Variants in KAT6A observed in about 807,000 individuals in gnomAD.
KAT6A encodes histone acetyltransferase KAT6A.
Under a neutral mutation model 198.4 loss-of-function variants are expected in KAT6A, and 9 were observed. The ratio of observed to expected loss-of-function variants is 0.05; its 90% confidence interval spans 0.03 to 0.08. KAT6A has a LOEUF of 0.08. Among genes scored for constraint, KAT6A ranks in the 10% least tolerant of loss-of-function variants. The probability of loss-of-function intolerance (pLI) is 1.00; values close to 1 mark genes in which losing one functional copy is unlikely to be tolerated. For missense variants in KAT6A, 2,077 were observed against 2,509.9 expected, an observed-to-expected ratio of 0.83 and a Z score of 3.69; for synonymous variants, 890 against 883.0, an observed-to-expected ratio of 1.01 and a Z score of -0.14.
intron 9 of KAT6A, 69 bp from the exon 10 acceptor site, chr8:41,949,432 T>C: frequency 8.1e-7 from 1 of 1,230,284 alleles, no homozygotes; most frequent in East Asian, 2.8e-5. Context: ...TCCACAATTA[T>C]CATCTTTTTG....
At chr8:41,969,775 T>C (rs891946783) in intron 8 of KAT6A, among the ~76,000 whole-genome samples, 1 of 152,144 alleles carries the variant, frequency 6.6e-6, no homozygotes, top group Non-Finnish European at 1.5e-5. Context: ...AGCTTCACCT[T>C]ATGCAACTCT....
intron 16 of KAT6A, among the ~76,000 whole-genome samples, chr8:41,936,033 G>A (rs376110346): frequency 6.6e-6 from 1 of 152,062 alleles, no homozygotes; most frequent in African/African-American, 2.4e-5. Flanking sequence ...AGTCCAAGGC[G>A]GGTGGATCAC....
intron 8 of KAT6A, chr8:41,974,360 T>C (rs1286846245): frequency 6.2e-6 from 1 of 161,168 alleles, no homozygotes; most frequent in East Asian, 1.7e-4. Context: ...AGGCATGAAA[T>C]ACTTCTTGAA....
At chr8:41,946,730 G>C (rs1402013706) in intron 11 of KAT6A, 46 bp from the exon 12 acceptor site, 1 of 1,103,870 alleles carries the variant, frequency 9.1e-7, no homozygotes, top group Admixed American at 1.7e-5. Context: ...GCTGGTAAAA[G>C]TGAATAATAA....
At position 41,940,849 on chromosome 8, in the gene KAT6A, T is replaced by C. The variant is rs1822080060; in HGVS notation, c.3032A>G (p.Lys1011Arg). Residue 1011 changes from lysine to arginine, a missense_variant, in exon 15 of 17, where the codon AAG (lysine) becomes AGG (arginine). Coordinates refer to ENST00000265713, the MANE Select transcript of KAT6A (RefSeq NM_006766.5). Reference protein sequence around the residue: ...SPPILTKPTLKRKKPFLHRRR... With the variant: ...SPPILTKPTLRRKKPFLHRRR... ...TGGAAAGAAATGCGTTACCTTTCGC[T>C]TCAGCGTGGGCTTTGTGAGAATTGG... The C allele has an allele frequency of 6.2e-7, 1 of 1,608,066 alleles. No homozygotes were observed. The highest frequency in any genetic ancestry group is 2.2e-5 in the East Asian group (1 of 44,808).
chr8:42,004,251 T>G (rs938830994), intron 2 of KAT6A, among the ~76,000 whole-genome samples: 2 of 152,078 alleles, frequency 1.3e-5, no homozygotes, highest in African/African-American at 2.4e-5. Flanking sequence ...ACAAACATAA[T>G]GAAAATATTA....
rs771288153 is a variant in KAT6A, at chr8:41,941,392, T to A, written c.2489A>T (p.Glu830Val). 11 of 1,609,662 alleles carry A rather than the reference T, an allele frequency of 6.8e-6. No homozygotes were observed. Among genetic ancestry groups the A allele is most frequent in the Non-Finnish European group, 9.3e-6 (11 of 1,179,822 alleles). The part of the protein sequence containing the change: ...ENKEQDSYSV[E>V]SEKKPEVMAP... ...CATAACTTCTGGTTTCTTTTCACTTTCTACTGAATAAGAATCTTGTTCTTT... is the reference window on the plus strand; with the variant it reads ...CATAACTTCTGGTTTCTTTTCACTTACTACTGAATAAGAATCTTGTTCTTT... Residue 830 changes from glutamate to valine, a missense_variant, in exon 15 of 17, where the codon GAA becomes GTA. Transcript: ENST00000265713.
At chr8:42,045,544 A>G (rs1802189395) in intron 2 of KAT6A, among the ~76,000 whole-genome samples, 1 of 150,722 alleles carries the variant, frequency 6.6e-6, no homozygotes, top group Admixed American at 6.6e-5. Context: ...CCTGGGCAAC[A>G]AGAGCGAAAT....
intron 2 of KAT6A, among the ~76,000 whole-genome samples, chr8:42,031,038 A>AG (rs1554698400): frequency 0.12 from 13,623 of 112,796 alleles, 1,326 homozygotes; most frequent in East Asian, 0.24. Flanking sequence ...AAAAAAAAAA[A>AG]GGGGGGGGGG....
At chr8:41,943,670 T>G (rs1483055982) in intron 13 of KAT6A, 78 bp downstream of exon 13, 1 of 888,460 alleles carries the variant, frequency 1.1e-6, no homozygotes, top group Non-Finnish European at 1.8e-6. Context: ...TGCCCTTTCA[T>G]CAATAATCTG....
At position 41,962,433 on chromosome 8, in the gene KAT6A, G is replaced by T. The variant is rs1823247267; in HGVS notation, c.1483-7022C>A. Among the ~76,000 whole-genome samples, 3 of 151,906 alleles carry T rather than the reference G, an allele frequency of 2.0e-5. 1 individual carries two copies. The South Asian group carries it at 6.2e-4, about 32-fold the overall frequency. On this transcript the variant is annotated intron_variant, in intron 8 of 16. Transcript: ENST00000265713. Reference sequence around the variant, plus strand: ...AACTCCGTCTTCCAACTGTGTTCTGGCATCGTCTCGGACTCCCTGCTTTCA... The same window carrying T: ...AACTCCGTCTTCCAACTGTGTTCTGTCATCGTCTCGGACTCCCTGCTTTCA...
At chr8:42,016,702 C>T (rs949333119) in intron 2 of KAT6A, among the ~76,000 whole-genome samples, 18 of 152,170 alleles carry the variant, frequency 1.2e-4, no homozygotes, top group African/African-American at 4.3e-4. Flanking sequence ...GATGGCTTTA[C>T]TATAAAGAGA....
At chr8:41,951,744 C>T (rs949480555) in intron 9 of KAT6A, among the ~76,000 whole-genome samples, 1 of 152,234 alleles carries the variant, frequency 6.6e-6, no homozygotes, top group East Asian at 1.9e-4. Context: ...GGAATTTCTA[C>T]AGTACCTTCT....
intron 14 of KAT6A, chr8:41,942,295 A>C: frequency 4.3e-6 from 1 of 230,528 alleles, no homozygotes. Flanking sequence ...AGGAAAATGT[A>C]TCTCCATTTC....
intron 2 of KAT6A, among the ~76,000 whole-genome samples, chr8:41,992,523 CT>C (rs377335577): frequency 1.2e-4 from 18 of 152,314 alleles, no homozygotes; most frequent in African/African-American, 4.3e-4. Flanking sequence ...CCTCTCTCCA[CT>C]ACACCATCTT....
intron 8 of KAT6A, among the ~76,000 whole-genome samples, chr8:41,968,452 A>G (rs1054778467): frequency 6.6e-6 from 1 of 152,144 alleles, no homozygotes; most frequent in Non-Finnish European, 1.5e-5. Context: ...TTAGAATGGC[A>G]ATCATTAAAA....
chr8:42,048,111 C>T (rs1405322072), intron 2 of KAT6A, among the ~76,000 whole-genome samples: 11 of 151,970 alleles, frequency 7.2e-5, no homozygotes, highest in Non-Finnish European at 1.2e-4. Flanking sequence ...AAGTTTTAAA[C>T]TCATATGTCA....
At chr8:42,040,067 ACTATTAAATAC>A (rs1564082963) in intron 2 of KAT6A, among the ~76,000 whole-genome samples, 1 of 151,924 alleles carries the variant, frequency 6.6e-6, no homozygotes, top group Admixed American at 6.6e-5. Context: ...ATGATTAAAT[ACTATTAAATAC>A]CTATTATATA....
intron 15 of KAT6A, 69 bp from the exon 16 acceptor site, chr8:41,937,637 G>T: frequency 8.0e-7 from 1 of 1,247,036 alleles, no homozygotes; most frequent in Non-Finnish European, 1.1e-6. Flanking sequence ...TACGAAAACA[G>T]TTTTAAAACC....
Sources: allele counts gnomAD v4.1 joint callset (sites outside exome capture counted in the v4.1 genomes callset), GRCh38; gene constraint gnomAD v4.1.1; transcripts MANE v1.5; gene names NCBI Gene and HGNC (gene_info 2026-07-23, HGNC 2026-07-21).